Variants in MLPH observed in about 807,000 individuals in gnomAD.
MLPH encodes melanophilin.
In MLPH, 51 loss-of-function variants were observed where a neutral mutation model predicts 72.1. That is an observed-to-expected ratio of 0.71 (90% CI 0.56 to 0.89). The LOEUF (loss-of-function observed/expected upper bound fraction) is 0.89, where lower values mean the gene tolerates loss of function less well. Ranked by LOEUF, MLPH falls within the 40% of genes least tolerant of loss-of-function variation. The probability of loss-of-function intolerance (pLI) is 0.00; values close to 1 mark genes in which losing one functional copy is unlikely to be tolerated. For missense variants in MLPH, 743 were observed against 759.9 expected (o/e 0.98, Z 0.26); for synonymous variants, 301 against 310.1 (o/e 0.97, Z 0.31).
chr2:237,534,773 T>C, intron 9 of MLPH, 126 bp downstream of exon 9: 1 of 796,946 alleles, frequency 1.3e-6, no homozygotes, highest in South Asian at 1.4e-5. Flanking sequence ...GGTTAAGTTC[T>C]GTGTGTAGTT....
At chr2:237,517,230 G>T (rs1211600556) in intron 4 of MLPH, among the ~76,000 whole-genome samples, 2 of 151,656 alleles carry the variant, frequency 1.3e-5, no homozygotes, top group Non-Finnish European at 2.9e-5. Flanking sequence ...CGAATGGATG[G>T]ATAGGTAGGC....
At chr2:237,518,291 A>G in intron 4 of MLPH, 1 of 590,902 alleles carries the variant, frequency 1.7e-6, no homozygotes, top group Non-Finnish European at 3.1e-6. Context: ...GAGTAGGTGG[A>G]TGAGTGGATA....
intron 11 of MLPH, among the ~76,000 whole-genome samples, chr2:237,542,329 G>A (rs143780825): frequency 8.7e-4 from 133 of 152,174 alleles, no homozygotes; most frequent in African/African-American, 3.1e-3. Context: ...CCCGTCCTGC[G>A]TTCCTCCTGC....
chr2:237,532,400 G>A (rs2080439284), intron 8 of MLPH, among the ~76,000 whole-genome samples: 1 of 152,264 alleles, frequency 6.6e-6, no homozygotes, highest in African/African-American at 2.4e-5. Context: ...GCATGTGGTA[G>A]GAAGGAAGTT....
At chr2:237,517,615 G>C (rs1184692537) in intron 4 of MLPH, among the ~76,000 whole-genome samples, 1 of 151,526 alleles carries the variant, frequency 6.6e-6, no homozygotes, top group Non-Finnish European at 1.5e-5. Context: ...AGTGGTGGGT[G>C]GATGGATAGA....
chr2:237,524,306 T>A, intron 6 of MLPH, among the ~76,000 whole-genome samples: 1 of 144,836 alleles, frequency 6.9e-6, no homozygotes, highest in African/African-American at 2.8e-5. Flanking sequence ...TAATAGAATA[T>A]ATATATATAT....
intron 12 of MLPH, among the ~76,000 whole-genome samples, chr2:237,542,910 A>G (rs1574899966): frequency 3.6e-5 from 1 of 28,154 alleles, no homozygotes; most frequent in African/African-American, 2.3e-4. Flanking sequence ...GAGTGGGGGG[A>G]CAGTGGTGAG....
At chr2:237,507,926 T>C (rs79019210) in intron 2 of MLPH, among the ~76,000 whole-genome samples, 1,544 of 152,248 alleles carry the variant, frequency 0.01, 19 homozygotes, top group African/African-American at 0.031. Context: ...ATCGGAACAA[T>C]TGCCCAATCC....
rs1211170438 is a variant in MLPH at position 237,512,547 on chromosome 2, G to A, written c.445+1446G>A. ...TGACTAGGAACGGCCGGTGACATGGGGAGGGCCTATCACCCTATTCTTGGG... is the reference window on the plus strand; with the variant it reads ...TGACTAGGAACGGCCGGTGACATGGAGAGGGCCTATCACCCTATTCTTGGG... On this transcript the variant is annotated intron_variant, in intron 4 of 15. Transcript: ENST00000264605. The surrounding 1 kb of genome is among the most constrained non-coding windows in gnomAD (Gnocchi z 5.5). 6.6e-6 allele frequency among the ~76,000 whole-genome samples: 1 copy of A among 152,098 alleles called. No individual in the cohort carries two copies. The highest frequency in any genetic ancestry group is 1.5e-5 in the Non-Finnish European group (1 of 68,034).
At chr2:237,525,346 G>A (rs2080278701) in intron 6 of MLPH, among the ~76,000 whole-genome samples, 1 of 152,212 alleles carries the variant, frequency 6.6e-6, no homozygotes. Context: ...GGCCCAGGGT[G>A]TCGTTGGGGG....
At chr2:237,529,485 G>A (rs1559361923) in intron 8 of MLPH, among the ~76,000 whole-genome samples, 2 of 152,202 alleles carry the variant, frequency 1.3e-5, no homozygotes, top group East Asian at 1.9e-4. Context: ...TCCGCTTGCT[G>A]CATTTAAATG....
chr2:237,545,323 T>G, intron 12 of MLPH: 1 of 664,670 alleles, frequency 1.5e-6, no homozygotes, highest in Admixed American at 3.2e-5. Flanking sequence ...ACCGTGGGCC[T>G]GACAGCAGGA....
At chr2:237,534,937 G>A (rs2106362271) in intron 9 of MLPH, among the ~76,000 whole-genome samples, 1 of 152,316 alleles carries the variant, frequency 6.6e-6, no homozygotes, top group African/African-American at 2.4e-5. Context: ...AACTGGAGAT[G>A]GGAGGAAACT....
intron 4 of MLPH, among the ~76,000 whole-genome samples, chr2:237,513,770 G>A (rs573820791): frequency 6.6e-5 from 10 of 152,268 alleles, no homozygotes; most frequent in Non-Finnish European, 1.5e-4. Context: ...ATCCCTGGGT[G>A]CAGGGGGAGT....
At chr2:237,542,527 C>T (rs376584358) in intron 11 of MLPH, 40 bp from the exon 12 acceptor site, 24 of 1,497,616 alleles carry the variant, frequency 1.6e-5, no homozygotes, top group Admixed American at 7.7e-5. Flanking sequence ...GGATCTCGAG[C>T]GTCTGTCTGA....
rs78106822 is a variant in MLPH at position 237,515,161 on chromosome 2, T to A, written c.446-3378T>A. Among the ~76,000 whole-genome samples, 255 of 152,274 alleles carry A rather than the reference T, an allele frequency of 1.7e-3. 1 individual carries two copies. Among genetic ancestry groups the A allele is most frequent in the African/African-American group, 5.6e-3 (234 of 41,572 alleles). On this transcript the variant is annotated intron_variant, in intron 4 of 15. Transcript: ENST00000264605. ...GAACCCAGAGCTTCCCAAGGCCCAG[T>A]CGATGGTAGAATTGTAAGCTGGTGT... is the stretch of plus-strand genomic sequence containing the variant.
chr2:237,550,211 C>T (rs930967947), intron 14 of MLPH, among the ~76,000 whole-genome samples: 1 of 152,182 alleles, frequency 6.6e-6, no homozygotes, highest in Non-Finnish European at 1.5e-5. Context: ...TATGAAGCCT[C>T]TCCCCCGGGG....
At chr2:237,546,176 A>G (rs1272094881) in intron 12 of MLPH, among the ~76,000 whole-genome samples, 1 of 152,162 alleles carries the variant, frequency 6.6e-6, no homozygotes, top group Non-Finnish European at 1.5e-5. Flanking sequence ...TCAGCCTTCC[A>G]CTGAACACAC....
At chr2:237,527,245 C>A in intron 7 of MLPH, 132 bp from the exon 8 acceptor site, 1 of 1,139,290 alleles carries the variant, frequency 8.8e-7, no homozygotes, top group Non-Finnish European at 1.3e-6. Flanking sequence ...GACTTTGGAA[C>A]CTCAGCCCTG....
Sources: allele counts gnomAD v4.1 joint callset (sites outside exome capture counted in the v4.1 genomes callset), GRCh38; gene constraint gnomAD v4.1.1; non-coding constraint Gnocchi (gnomAD v3.1); transcripts MANE v1.5; gene names NCBI Gene and HGNC (gene_info 2026-07-23, HGNC 2026-07-21).